The following FLACC1 variants were observed in gnomAD, a reference collection of about 807,000 sequenced individuals.
The protein encoded by FLACC1 is flagellum associated containing coiled-coil domains 1.
Under a neutral mutation model 62.8 loss-of-function variants are expected in FLACC1, and 66 were observed. The ratio of observed to expected loss-of-function variants is 1.05; its 90% confidence interval spans 0.86 to 1.29. FLACC1 has a LOEUF of 1.29. FLACC1 is among the 50% of genes most tolerant of loss of function. The pLI, the probability that FLACC1 is intolerant of heterozygous loss-of-function variation, is 0.00. For synonymous variants in FLACC1, 156 were observed against 161.0 expected, an observed-to-expected ratio of 0.97 and a Z score of 0.24; for missense variants, 452 against 489.1, an observed-to-expected ratio of 0.92 and a Z score of 0.71.
intron 9 of FLACC1, among the ~76,000 whole-genome samples, chr2:201,317,000 G>A (rs1559399284): frequency 1.3e-5 from 2 of 152,052 alleles, no homozygotes; most frequent in Non-Finnish European, 2.9e-5. Flanking sequence ...AATCCAGCAT[G>A]CTTTATGATT....
At chr2:201,356,283 C>CAA in intron 1 of FLACC1, among the ~76,000 whole-genome samples, 1 of 152,162 alleles carries the variant, frequency 6.6e-6, no homozygotes, top group Admixed American at 6.5e-5. Context: ...GCCTCAGCTT[C>CAA]CCCAGTAGCT....
the FLACC1 span, among the ~76,000 whole-genome samples, chr2:201,363,403 T>G: frequency 1.3e-5 from 2 of 151,482 alleles, no homozygotes; most frequent in Non-Finnish European, 2.9e-5. Flanking sequence ...GATCTGGGTG[T>G]GGGAAAGCCC....
At chr2:201,344,404 G>T in intron 5 of FLACC1, 141 bp from the exon 6 acceptor site, 1 of 707,920 alleles carries the variant, frequency 1.4e-6, no homozygotes, top group Non-Finnish European at 2.5e-6. Context: ...TATCATTATG[G>T]GGTGGGGGTG....
At chr2:201,327,320 A>G (rs1206227899) in intron 9 of FLACC1, among the ~76,000 whole-genome samples, 1 of 152,116 alleles carries the variant, frequency 6.6e-6, no homozygotes, top group Non-Finnish European at 1.5e-5. Flanking sequence ...ATAAATAAAT[A>G]GAACCTAATT....
At chr2:201,325,878 A>C (rs962600778) in intron 9 of FLACC1, among the ~76,000 whole-genome samples, 7 of 152,182 alleles carry the variant, frequency 4.6e-5, no homozygotes, top group Non-Finnish European at 8.8e-5. Context: ...AAATAAAAAA[A>C]ACTACAGACC....
intron 12 of FLACC1, among the ~76,000 whole-genome samples, chr2:201,293,500 A>G (rs916533311): frequency 1.3e-5 from 2 of 152,232 alleles, no homozygotes; most frequent in Non-Finnish European, 2.9e-5. Flanking sequence ...ACATACCAGA[A>G]TCTCTGGGAC....
rs1253988285 is a variant in FLACC1 at position 201,303,625 on chromosome 2, A to G, written c.879+3894T>C. On this transcript the variant is annotated intron_variant, in intron 11 of 14. Coordinates refer to ENST00000392257, the MANE Select transcript of FLACC1 (RefSeq NM_001127391.3). ...ACCAAAGCCTGGCAGAGACACAACA[A>G]AAAAAGAGAATTTTAGACCAATATC... Among the ~76,000 whole-genome samples, 3 of 152,304 alleles carry G rather than the reference A, an allele frequency of 2.0e-5. No homozygotes were observed. In the East Asian group the frequency reaches 5.8e-4, roughly 29 times the overall value.
At chr2:201,342,174 TC>T (rs1417773017) in intron 7 of FLACC1, among the ~76,000 whole-genome samples, 195 bp downstream of exon 7, 5 of 152,198 alleles carry the variant, frequency 3.3e-5, no homozygotes, top group Admixed American at 2.6e-4. Context: ...GTAATAACTT[TC>T]TTTGTGGTTT....
intron 7 of FLACC1, 114 bp from the exon 8 acceptor site, chr2:201,330,947 T>G: frequency 1.5e-6 from 1 of 673,570 alleles, no homozygotes; most frequent in Non-Finnish European, 2.3e-6. Flanking sequence ...GGTTCTCACT[T>G]TTTTATTTTT....
At chr2:201,339,625 AT>A (rs969460241) in intron 7 of FLACC1, among the ~76,000 whole-genome samples, 11 of 151,826 alleles carry the variant, frequency 7.2e-5, no homozygotes, top group African/African-American at 2.7e-4. Flanking sequence ...GTTTCAAGAA[AT>A]TTTTTTTATT....
chr2:201,331,953 G>C (rs1950601395), intron 7 of FLACC1, among the ~76,000 whole-genome samples: 1 of 151,960 alleles, frequency 6.6e-6, no homozygotes, highest in Non-Finnish European at 1.5e-5. Flanking sequence ...GTGTGTGAGG[G>C]GGCAGTAAGT....
chr2:201,306,032 A>G (rs956848656), intron 11 of FLACC1, among the ~76,000 whole-genome samples: 1 of 152,022 alleles, frequency 6.6e-6, no homozygotes, highest in Non-Finnish European at 1.5e-5. Context: ...ATGTATACAT[A>G]TTTAACACAC....
intron 9 of FLACC1, among the ~76,000 whole-genome samples, chr2:201,327,392 A>G (rs772641437): frequency 1.3e-5 from 2 of 152,214 alleles, no homozygotes; most frequent in Admixed American, 6.5e-5. Flanking sequence ...GAATGGGAGA[A>G]AATATTTGCA....
intron 7 of FLACC1, among the ~76,000 whole-genome samples, chr2:201,332,503 C>T (rs1295345709): frequency 6.6e-6 from 1 of 152,176 alleles, no homozygotes; most frequent in Non-Finnish European, 1.5e-5. Flanking sequence ...CCACCTCAGC[C>T]TCCCAAAGTG....
Position 201,326,972 on chromosome 2 carries a change from A to ACCTT in FLACC1, c.675+3497_675+3498insAAGG, listed in dbSNP as rs1237897465. On this transcript the variant is annotated intron_variant, in intron 9 of 14. Coordinates refer to ENST00000392257, the MANE Select transcript of FLACC1 (RefSeq NM_001127391.3). This position sits in a 1 kb window ranked among gnomAD's most constrained non-coding sequence, Gnocchi z 4.1. ...AACAGCATGGTACTGGTATAAAAGTAGGCACATAGGCCAAGGAAACAGAAC... is the reference window on the plus strand; with the variant it reads ...AACAGCATGGTACTGGTATAAAAGTACCTTGGCACATAGGCCAAGGAAACAGAAC... 1.3e-5 allele frequency among the ~76,000 whole-genome samples: 2 copies of ACCTT among 152,218 alleles called. No homozygotes were observed. The highest frequency in any genetic ancestry group is 4.8e-5 in the African/African-American group (2 of 41,458).
At chr2:201,300,374 G>A (rs921006788) in intron 11 of FLACC1, among the ~76,000 whole-genome samples, 1 of 152,174 alleles carries the variant, frequency 6.6e-6, no homozygotes, top group Admixed American at 6.5e-5. Flanking sequence ...TGAGGCTGGG[G>A]GATGGGCGCC....
intron 11 of FLACC1, among the ~76,000 whole-genome samples, chr2:201,305,904 T>G (rs1950093105): frequency 7.2e-6 from 1 of 139,416 alleles, no homozygotes; most frequent in African/African-American, 2.7e-5. Flanking sequence ...TGGACACAGG[T>G]TGGGGAACAC....
upstream of FLACC1, among the ~76,000 whole-genome samples, chr2:201,357,940 T>A (rs570683507): frequency 6.6e-6 from 1 of 152,212 alleles, no homozygotes; most frequent in South Asian, 2.1e-4. Flanking sequence ...ATAAAAAAAT[T>A]TCATGAAATA....
At chr2:201,364,258 G>C in the FLACC1 span, among the ~76,000 whole-genome samples, 1 of 152,072 alleles carries the variant, frequency 6.6e-6, no homozygotes, top group Non-Finnish European at 1.5e-5. Context: ...CCTAGAGAGG[G>C]GGGAAAAGGG....
Sources: allele counts gnomAD v4.1 joint callset (sites outside exome capture counted in the v4.1 genomes callset), GRCh38; gene constraint gnomAD v4.1.1; non-coding constraint Gnocchi (gnomAD v3.1); transcripts MANE v1.5; gene names NCBI Gene and HGNC (gene_info 2026-07-23, HGNC 2026-07-21).